The following CNTNAP2 variants were observed in gnomAD, a reference collection of about 807,000 sequenced individuals.
CNTNAP2 encodes the protein contactin-associated protein-like 2.
CNTNAP2 carries 98 observed loss-of-function variants against 155.2 expected under a neutral mutation model. The observed-to-expected ratio is 0.63, with a 90% confidence interval of 0.54 to 0.75. CNTNAP2 has a LOEUF of 0.75. Among genes scored for constraint, CNTNAP2 ranks in the 30% least tolerant of loss-of-function variants. The pLI, the probability that CNTNAP2 is intolerant of heterozygous loss-of-function variation, is 0.00. For synonymous variants in CNTNAP2, 651 were observed against 631.2 expected (o/e 1.03, Z -0.47); for missense variants, 1,727 against 1,688.1 (o/e 1.02, Z -0.40).
chr7:146,747,708 G>C (rs753075959), intron 1 of CNTNAP2, among the ~76,000 whole-genome samples: 2 of 152,190 alleles, frequency 1.3e-5, no homozygotes, highest in Non-Finnish European at 2.9e-5. Context: ...TGTGTGTTAT[G>C]TAAGTGTGAG....
chr7:147,084,000 T>C (rs545809601), intron 4 of CNTNAP2, among the ~76,000 whole-genome samples: 2 of 131,214 alleles, frequency 1.5e-5, no homozygotes, highest in South Asian at 5.7e-4. Context: ...ATATAATACA[T>C]ATATACATAA....
chr7:147,949,579 A>G (rs542055092), intron 14 of CNTNAP2, among the ~76,000 whole-genome samples: 18 of 152,142 alleles, frequency 1.2e-4, no homozygotes, highest in Middle Eastern at 3.4e-3. Context: ...AGCCCAGGCT[A>G]GTTGGTTGTT....
At chr7:146,404,149 A>G (rs902395236) in intron 1 of CNTNAP2, among the ~76,000 whole-genome samples, 9 of 150,898 alleles carry the variant, frequency 6.0e-5, no homozygotes, top group African/African-American at 2.2e-4. Flanking sequence ...AAAACAAAGA[A>G]CTTGGCCTCT....
chr7:146,362,766 CTTTT>C (rs773124124), intron 1 of CNTNAP2, among the ~76,000 whole-genome samples: 15 of 96,436 alleles, frequency 1.6e-4, no homozygotes, highest in Admixed American at 5.1e-4. Context: ...TCACACAGCA[CTTTT>C]TTTTTTTTTT....
intron 13 of CNTNAP2, among the ~76,000 whole-genome samples, chr7:147,708,350 A>G (rs1047939678): frequency 2.0e-5 from 3 of 152,154 alleles, no homozygotes; most frequent in Admixed American, 2.0e-4. Context: ...TATTGGCTGC[A>G]ACTAGCTGCC....
intron 4 of CNTNAP2, among the ~76,000 whole-genome samples, chr7:147,065,982 G>A (rs1020088670): frequency 3.3e-5 from 5 of 151,938 alleles, no homozygotes; most frequent in Non-Finnish European, 7.4e-5. Flanking sequence ...AAACTCTGAA[G>A]TATAAAAAAG....
intron 13 of CNTNAP2, among the ~76,000 whole-genome samples, chr7:147,797,047 C>T (rs1310731625): frequency 6.6e-6 from 1 of 152,122 alleles, no homozygotes; most frequent in African/African-American, 2.4e-5. Flanking sequence ...TGTTTTCAGG[C>T]TTATTCTCTG....
At chr7:147,971,265 TTC>T (rs1801329753) in intron 14 of CNTNAP2, among the ~76,000 whole-genome samples, 2 of 152,066 alleles carry the variant, frequency 1.3e-5, no homozygotes, top group Non-Finnish European at 2.9e-5. Context: ...CTATCTACAG[TTC>T]TTTTTTTTAA....
Position 146,338,068 on chromosome 7 carries a change from A to G in CNTNAP2, c.97+221095A>G, listed in dbSNP as rs568950745. Among the ~76,000 whole-genome samples the G allele has an allele frequency of 2.8e-3, 425 of 152,252 alleles. 2 individuals carry two copies. Among genetic ancestry groups the G allele is most frequent in the African/African-American group, 9.3e-3 (386 of 41,548 alleles). ...CCTCTCACCATCATCTCATTTGCTG[A>G]GATGAGAGAGAGGAGAGAGGGGACA... On this transcript the variant is annotated intron_variant, in intron 1 of 23. Transcript: ENST00000361727.
At chr7:146,457,701 C>T (rs918589217) in intron 1 of CNTNAP2, among the ~76,000 whole-genome samples, 1 of 150,856 alleles carries the variant, frequency 6.6e-6, no homozygotes, top group African/African-American at 2.4e-5. Flanking sequence ...GACTGGGTTT[C>T]ACCGTGTTAG....
intron 3 of CNTNAP2, among the ~76,000 whole-genome samples, chr7:146,929,022 T>A (rs527563453): frequency 3.4e-4 from 52 of 152,102 alleles, no homozygotes; most frequent in East Asian, 2.3e-3. Context: ...ACAGACAAAC[T>A]AAAAGACAGC....
chr7:147,060,685 AC>A (rs1799647558), intron 4 of CNTNAP2, among the ~76,000 whole-genome samples: 1 of 151,954 alleles, frequency 6.6e-6, no homozygotes, highest in Non-Finnish European at 1.5e-5. Flanking sequence ...ACACGGTGAA[AC>A]CCCGTCTCTA....
intron 20 of CNTNAP2, among the ~76,000 whole-genome samples, chr7:148,238,076 C>T (rs375878806): frequency 2.0e-5 from 3 of 152,290 alleles, no homozygotes; most frequent in South Asian, 2.1e-4. Flanking sequence ...CCAGGCCAGG[C>T]GCGGTGGCTC....
chr7:146,163,521 ATATATCTATATATATC>A, intron 1 of CNTNAP2, among the ~76,000 whole-genome samples: 1 of 144,404 alleles, frequency 6.9e-6, no homozygotes, highest in African/African-American at 2.6e-5. Flanking sequence ...ATATATCTAT[ATATATCTATATATATC>A]TATATCTATA....
chr7:148,407,221 G>A (rs1032514186), intron 22 of CNTNAP2, among the ~76,000 whole-genome samples: 2 of 100,832 alleles, frequency 2.0e-5, no homozygotes, highest in Admixed American at 7.8e-5. Context: ...TATATCTGAT[G>A]ATAAGCCTAA....
intron 3 of CNTNAP2, among the ~76,000 whole-genome samples, chr7:146,993,648 A>G (rs1185422122): frequency 2.0e-5 from 3 of 152,134 alleles, no homozygotes; most frequent in Admixed American, 2.0e-4. Context: ...AAGCCTTGTT[A>G]CTACCTACTG....
intron 1 of CNTNAP2, among the ~76,000 whole-genome samples, chr7:146,773,260 TA>T: frequency 6.6e-6 from 1 of 152,330 alleles, no homozygotes; most frequent in Non-Finnish European, 1.5e-5. Flanking sequence ...CAGAAAGTGT[TA>T]CAAATAGAAT....
chr7:146,931,228 C>A (rs1429984230), intron 3 of CNTNAP2, among the ~76,000 whole-genome samples: 1 of 152,100 alleles, frequency 6.6e-6, no homozygotes, highest in Non-Finnish European at 1.5e-5. Flanking sequence ...GAAATTATAA[C>A]AAACTGTCTC....
At position 147,351,540 on chromosome 7, in the gene CNTNAP2, A is replaced by G. The variant is rs114440349; in HGVS notation, c.1499-44069A>G. ...TATGTTTTGCCTATGTTTAATATATATAAAACAGTAGTATTTGTATTTCTG... is the reference window on the plus strand; with the variant it reads ...TATGTTTTGCCTATGTTTAATATATGTAAAACAGTAGTATTTGTATTTCTG... On this transcript the variant is annotated intron_variant, in intron 9 of 23. Transcript: ENST00000361727. Among the ~76,000 whole-genome samples, 1,122 of 151,980 alleles carry G rather than the reference A, an allele frequency of 7.4e-3. 11 individuals carry two copies. Among genetic ancestry groups the G allele is most frequent in the African/African-American group, 0.025 (1,045 of 41,536 alleles).
Sources: gnomAD v4.1 joint callset for allele counts (sites outside exome capture counted in the v4.1 genomes callset) on GRCh38, gnomAD v4.1.1 for gene constraint, MANE v1.5 for transcripts, NCBI Gene and HGNC (gene_info 2026-07-23, HGNC 2026-07-21) for gene names.